Variants in FARP2 observed in about 807,000 individuals in gnomAD.
The protein encoded by FARP2 is FERM, ARH/RhoGEF and pleckstrin domain protein 2, also known as FERM, ARHGEF and pleckstrin domain-containing protein 2.
FARP2 carries 111 observed loss-of-function variants against 130.5 expected under a neutral mutation model. The observed-to-expected ratio is 0.85, with a 90% confidence interval of 0.73 to 1.00. The LOEUF is 1.00. Ranked by LOEUF, FARP2 falls within the 50% of genes least tolerant of loss-of-function variation. FARP2 has a pLI of 0.00. For missense variants in FARP2, 1,385 were observed against 1,346.3 expected, an observed-to-expected ratio of 1.03 and a Z score of -0.45; for synonymous variants, 504 against 516.9, an observed-to-expected ratio of 0.98 and a Z score of 0.34.
chr2:241,421,845 C>A (rs2062816690), intron 8 of FARP2, among the ~76,000 whole-genome samples: 1 of 152,164 alleles, frequency 6.6e-6, no homozygotes, highest in Non-Finnish European at 1.5e-5. Flanking sequence ...CAAACTGCAG[C>A]AGCCCTAAAA....
At chr2:241,410,372 A>G (rs2150360527) in intron 5 of FARP2, among the ~76,000 whole-genome samples, 1 of 151,934 alleles carries the variant, frequency 6.6e-6, no homozygotes, top group East Asian at 1.9e-4. Flanking sequence ...CCTTGAAGGT[A>G]TGGCTGCAGA....
intron 13 of FARP2, among the ~76,000 whole-genome samples, chr2:241,448,349 AAGTT>A (rs1461492980): frequency 2.6e-5 from 4 of 152,240 alleles, no homozygotes; most frequent in African/African-American, 7.2e-5. Flanking sequence ...TGAGGTCTAT[AAGTT>A]GACTGATTTA....
chr2:241,483,842 A>G (rs1016854055), intron 20 of FARP2: 2 of 985,374 alleles, frequency 2.0e-6, no homozygotes, highest in Admixed American at 1.2e-4. Context: ...GGCTGCAAGA[A>G]GGTGCTACTG....
At chr2:241,427,914 C>A (rs1378886181) in intron 8 of FARP2, among the ~76,000 whole-genome samples, 2 of 152,102 alleles carry the variant, frequency 1.3e-5, no homozygotes, top group Non-Finnish European at 2.9e-5. Context: ...TTAGAGGCGC[C>A]TGCCACCACG....
chr2:241,441,275 T>G, intron 12 of FARP2, 29 bp from the exon 13 acceptor site: 1 of 1,540,096 alleles, frequency 6.5e-7, no homozygotes, highest in Non-Finnish European at 8.7e-7. Context: ...TTTATATCCT[T>G]TTTTTCTTTT....
chr2:241,462,116 C>T (rs149775381), intron 14 of FARP2, among the ~76,000 whole-genome samples: 15 of 152,298 alleles, frequency 9.8e-5, no homozygotes, highest in Non-Finnish European at 1.8e-4. Context: ...GCAAGTCTGG[C>T]GCTCTGATGC....
In FARP2 at chr2:241,373,173, C is replaced by G. The variant is rs2150301081; in HGVS notation, c.66C>G (p.Thr22=). 6.4e-7 allele frequency: 1 copy of G among 1,570,750 alleles called. No individual in the cohort carries two copies. Among genetic ancestry groups the G allele is most frequent in the Non-Finnish European group, 8.7e-7 (1 of 1,152,348 alleles). The change falls in exon 2 of 27, where the codon ACC becomes ACG. Residue 22 remains threonine, a synonymous_variant. Coordinates refer to ENST00000264042, the MANE Select transcript of FARP2 (RefSeq NM_014808.4). ...CAGGGATGCGCTTGGGTGCCCAGACCCCTGTGGGAGTTAGCACCCTTGAGC... is the reference window on the plus strand; with the variant it reads ...CAGGGATGCGCTTGGGTGCCCAGACGCCTGTGGGAGTTAGCACCCTTGAGC... The part of the protein sequence containing the change: ...QTAGMRLGAQ[T]PVGVSTLEPG...
intron 17 of FARP2, chr2:241,466,699 C>CT: frequency 1.6e-6 from 1 of 641,158 alleles, no homozygotes; most frequent in Non-Finnish European, 1.9e-6. Context: ...ACCCCCCCCC[C>CT]CACCACCACC....
intron 2 of FARP2, among the ~76,000 whole-genome samples, chr2:241,384,608 A>G (rs1039622253): frequency 1.3e-5 from 2 of 152,238 alleles, no homozygotes; most frequent in Non-Finnish European, 2.9e-5. Flanking sequence ...GGTTTTAGAT[A>G]TTGATGATGT....
At position 241,437,670 on chromosome 2, in the gene FARP2, A is replaced by ATTTTTTTTT. The variant is rs763025047; in HGVS notation, c.1158+1136_1158+1144dup. Among the ~76,000 whole-genome samples, 333 of 133,056 alleles carry ATTTTTTTTT rather than the reference A, an allele frequency of 2.5e-3. 6 individuals are homozygous for ATTTTTTTTT. The highest frequency in any genetic ancestry group is 0.016 in the Admixed American group (174 of 10,878). 87.3% of individuals were successfully genotyped at this position (133,056 alleles called of 152,430 possible). A position where few individuals can be genotyped will look rare whatever the true frequency, so the allele number is the denominator to read the frequency against. The stretch of plus-strand genomic sequence containing the variant: ...TATATATTTATTTATTTATTTATTT[A>ATTTTTTTTT]TTTTTTTTTTTTGAGACGGAGTCTT... On this transcript the variant is annotated intron_variant, in intron 12 of 26. Transcript: ENST00000264042.
At position 241,418,070 on chromosome 2, in the gene FARP2, T is replaced by G; in HGVS notation, c.732T>G (p.Ile244Met). ...CTTCTGACAGGGAAGGAACCAAGAT[T>G]CAACTGGCAGTTTCCCACATGGGTG... ...HMASDREGTK[I>M]QLAVSHMGVL... Residue 244 changes from isoleucine (I) to methionine (M), a missense_variant, in exon 8 of 27, where the codon ATT becomes ATG. Physicochemically the swap from Ile to Met is conservative, Grantham distance 10. Transcript: ENST00000264042. The G allele has an allele frequency of 1.2e-6, 2 of 1,614,180 alleles. No individual in the cohort carries two copies. Among genetic ancestry groups the G allele is most frequent in the Non-Finnish European group, 1.7e-6 (2 of 1,180,036 alleles).
At chr2:241,484,198 A>C in intron 20 of FARP2, 44 bp from the exon 21 acceptor site, 1 of 1,612,960 alleles carries the variant, frequency 6.2e-7, no homozygotes, top group Non-Finnish European at 8.5e-7. Context: ...CTATTAAGAC[A>C]CTTGTTTGTG....
chr2:241,430,999 C>CAA (rs566980078), intron 8 of FARP2, among the ~76,000 whole-genome samples: 15 of 127,760 alleles, frequency 1.2e-4, no homozygotes, highest in African/African-American at 4.1e-4. Context: ...GACTCTGTCT[C>CAA]AAAAAAAAAA....
At chr2:241,465,307 A>G (rs2064139642) in intron 17 of FARP2, among the ~76,000 whole-genome samples, 1 of 152,184 alleles carries the variant, frequency 6.6e-6, no homozygotes, top group Non-Finnish European at 1.5e-5. Flanking sequence ...CCCACAGAAC[A>G]GAGTCTTCCT....
rs561356238 is a variant in FARP2 at position 241,476,685 on chromosome 2, G to A, written c.2262+698G>A. Among the ~76,000 whole-genome samples the A allele has an allele frequency of 1.1e-4, 16 of 152,102 alleles. No individual in the cohort carries two copies. The South Asian group carries it at 2.3e-3, about 22-fold the overall frequency. On this transcript the variant is annotated intron_variant, in intron 19 of 26. Coordinates refer to ENST00000264042, the MANE Select transcript of FARP2 (RefSeq NM_014808.4). ...GCCTGGGTAACATGAGCGAAACTCC[G>A]TCTCAAAATAAAATAAATAAAATAA...
In FARP2 at chr2:241,493,329, T is replaced by C; in HGVS notation, c.2932T>C (p.Tyr978His). The C allele has an allele frequency of 1.9e-6, 3 of 1,613,992 alleles. No homozygotes were observed. The highest frequency in any genetic ancestry group is 2.5e-6 in the Non-Finnish European group (3 of 1,179,990). The change falls in exon 26 of 27, where the codon TAC (tyrosine) becomes CAC (histidine). Residue 978 changes from tyrosine (Y) to histidine (H), a missense_variant. By Grantham distance (83) the Tyr-to-His change is moderately conservative. Coordinates refer to ENST00000264042, the MANE Select transcript of FARP2 (RefSeq NM_014808.4). ...YPLASLPLLG[Y>H]SVSIPREADG... Reference sequence around the variant, plus strand: ...ACTGGCCAGCCTCCCGCTGCTGGGCTACAGCGTGAGCATCCCCAGGGAGGC... The same window carrying C: ...ACTGGCCAGCCTCCCGCTGCTGGGCCACAGCGTGAGCATCCCCAGGGAGGC...
chr2:241,487,746 C>CCTTTT (rs1372509493), intron 21 of FARP2, among the ~76,000 whole-genome samples: 1 of 73,232 alleles, frequency 1.4e-5, no homozygotes, highest in African/African-American at 5.3e-5. Flanking sequence ...CTAGCCTACT[C>CCTTTT]TTTTTTTTTT....
intron 1 of FARP2, among the ~76,000 whole-genome samples, chr2:241,357,154 A>G (rs185818361): frequency 6.6e-6 from 1 of 152,254 alleles, no homozygotes; most frequent in Non-Finnish European, 1.5e-5. Context: ...TTGTCAATAC[A>G]TAGTGTTAAA....
Position 241,486,184 on chromosome 2 carries a change from G to A in FARP2, c.2421+1853G>A, listed in dbSNP as rs558721148. 5.3e-5 allele frequency among the ~76,000 whole-genome samples: 8 copies of A among 152,060 alleles called. No individual in the cohort carries two copies. The South Asian group carries it at 8.3e-4, about 16-fold the overall frequency. ...TCACTGGCCAGTTGCTGTGGCTCACGCCTGTAATGCCAGCACTTTAGGAGG... is the reference window on the plus strand; with the variant it reads ...TCACTGGCCAGTTGCTGTGGCTCACACCTGTAATGCCAGCACTTTAGGAGG... On this transcript the variant is annotated intron_variant, in intron 21 of 26. Coordinates refer to ENST00000264042, the MANE Select transcript of FARP2 (RefSeq NM_014808.4).
Sources: gnomAD v4.1 joint callset for allele counts (sites outside exome capture counted in the v4.1 genomes callset) on GRCh38, gnomAD v4.1.1 for gene constraint, MANE v1.5 for transcripts, NCBI Gene and HGNC (gene_info 2026-07-23, HGNC 2026-07-21) for gene names.